Variants in TMEM150C observed in about 807,000 individuals in gnomAD.
The protein encoded by TMEM150C is transmembrane protein 150C.
Under a neutral mutation model 29.9 loss-of-function variants are expected in TMEM150C, and 10 were observed. That is an observed-to-expected ratio of 0.33 (90% CI 0.21 to 0.57). The LOEUF is 0.57. TMEM150C is among the 20% of genes least tolerant of loss of function. TMEM150C has a pLI of 0.88. For synonymous variants in TMEM150C, 101 were observed against 112.5 expected (o/e 0.90, Z 0.64); for missense variants, 251 against 303.6 (o/e 0.83, Z 1.29).
At chr4:82,518,269 T>C in intron 1 of TMEM150C, among the ~76,000 whole-genome samples, 1 of 150,250 alleles carries the variant, frequency 6.7e-6, no homozygotes, top group African/African-American at 2.5e-5. Flanking sequence ...TGAGCCGAGA[T>C]CAAGCAACTC....
chr4:82,489,999 CA>C lies in TMEM150C; in HGVS notation c.541+61del. 4.6e-6 allele frequency: 7 copies of C among 1,522,312 alleles called. No individual in the cohort carries two copies. The South Asian group carries it at 8.4e-5, about 18-fold the overall frequency. 94.3% of individuals were successfully genotyped at this position (1,522,312 alleles called of 1,614,324 possible). A position where few individuals can be genotyped will look rare whatever the true frequency, so the allele number is the denominator to read the frequency against. ...TATCCTAACCCACTGGGTTCTTCTACAGAGACAACTTACTTGTTTTCATCTT... is the reference window on the plus strand; with the variant it reads ...TATCCTAACCCACTGGGTTCTTCTACGAGACAACTTACTTGTTTTCATCTT... On this transcript the variant is annotated intron_variant, in intron 7 of 7. Coordinates refer to ENST00000449862, the MANE Select transcript of TMEM150C (RefSeq NM_001080506.3).
At chr4:82,536,987 A>G (rs137897410) in intron 1 of TMEM150C, among the ~76,000 whole-genome samples, 1 of 152,162 alleles carries the variant, frequency 6.6e-6, no homozygotes, top group East Asian at 1.9e-4. Context: ...AATTATTATT[A>G]TTATTATTTT....
At chr4:82,558,511 C>A (rs2110096116) in intron 1 of TMEM150C, among the ~76,000 whole-genome samples, 1 of 152,182 alleles carries the variant, frequency 6.6e-6, no homozygotes, top group Non-Finnish European at 1.5e-5. Context: ...AAGGCTACTG[C>A]CAAAGATTTC....
intron 1 of TMEM150C, among the ~76,000 whole-genome samples, chr4:82,530,861 C>A (rs75277216): frequency 0.045 from 6,813 of 152,198 alleles, 507 homozygotes; most frequent in African/African-American, 0.16. Context: ...GAAGCAAGCA[C>A]GTCTTACATG....
At chr4:82,486,119 A>G (rs1723150583) in intron 7 of TMEM150C, among the ~76,000 whole-genome samples, 1 of 152,110 alleles carries the variant, frequency 6.6e-6, no homozygotes, top group Admixed American at 6.5e-5. Context: ...TAATTGGCTG[A>G]GCTGGGCTCA....
At chr4:82,491,152 C>A in intron 6 of TMEM150C, 1 of 701,388 alleles carries the variant, frequency 1.4e-6, no homozygotes, top group Middle Eastern at 3.8e-4. Context: ...ACATCGTGTG[C>A]AATCACCACC....
intron 1 of TMEM150C, among the ~76,000 whole-genome samples, chr4:82,516,202 G>A (rs750464316): frequency 1.3e-5 from 2 of 152,054 alleles, no homozygotes; most frequent in African/African-American, 2.4e-5. Flanking sequence ...GGTAGAACAC[G>A]AAGACTAAGA....
chr4:82,561,572 G>A (rs1482680726), intron 1 of TMEM150C, among the ~76,000 whole-genome samples: 1 of 150,422 alleles, frequency 6.6e-6, no homozygotes, highest in Non-Finnish European at 1.5e-5. Flanking sequence ...GGCCGGGGCC[G>A]CAGCGGGCGG....
At chr4:82,490,921 G>T in intron 6 of TMEM150C, 1 of 718,658 alleles carries the variant, frequency 1.4e-6, no homozygotes, top group Non-Finnish European at 2.6e-6. Context: ...CCCCAGTGAT[G>T]GCGGATCTCA....
At chr4:82,529,400 C>T (rs1724764768) in intron 1 of TMEM150C, among the ~76,000 whole-genome samples, 1 of 151,904 alleles carries the variant, frequency 6.6e-6, no homozygotes, top group South Asian at 2.1e-4. Flanking sequence ...GCAATCCTCC[C>T]ATCTCAGCCT....
rs531639113 is a variant in TMEM150C, at chr4:82,488,407, T to C, written c.541+1654A>G. On this transcript the variant is annotated intron_variant, in intron 7 of 7. Transcript: ENST00000449862. ...AAACTTCTCCATGATTCACTGTTCT[T>C]ACATGTGAAGTGAGGATAAAAAGAG... Among the ~76,000 whole-genome samples the C allele has an allele frequency of 2.0e-5, 3 of 152,354 alleles. No homozygotes were observed. In the East Asian group the frequency reaches 5.8e-4, roughly 29 times the overall value.
At chr4:82,509,831 A>C (rs1009587963) in intron 1 of TMEM150C, 1 of 152,022 alleles carries the variant, frequency 6.6e-6, no homozygotes, top group Non-Finnish European at 1.5e-5. Flanking sequence ...TAAATAAATA[A>C]AGTCAAACTC....
chr4:82,508,412 G>A (rs1009143931), intron 1 of TMEM150C, among the ~76,000 whole-genome samples: 2 of 151,794 alleles, frequency 1.3e-5, no homozygotes, highest in Non-Finnish European at 2.9e-5. Context: ...CTAGTAGCTG[G>A]GACTATAGGC....
At chr4:82,486,732 G>A (rs1210632591) in intron 7 of TMEM150C, among the ~76,000 whole-genome samples, 1 of 151,800 alleles carries the variant, frequency 6.6e-6, no homozygotes, top group African/African-American at 2.4e-5. Context: ...CTAGGGTGAC[G>A]GCAAGGCCCC....
chr4:82,542,229 G>A (rs1578151842), intron 1 of TMEM150C, among the ~76,000 whole-genome samples: 1 of 152,322 alleles, frequency 6.6e-6, no homozygotes, highest in East Asian at 1.9e-4. Flanking sequence ...GAATAAGTGG[G>A]TCTTAAAGCT....
intron 1 of TMEM150C, among the ~76,000 whole-genome samples, chr4:82,546,618 G>A (rs752340001): frequency 6.6e-6 from 1 of 152,098 alleles, no homozygotes; most frequent in African/African-American, 2.4e-5. Flanking sequence ...TACGAGGCCA[G>A]GAGATCGAGA....
intron 1 of TMEM150C, among the ~76,000 whole-genome samples, chr4:82,550,254 T>C (rs541791351): frequency 4.6e-5 from 7 of 152,266 alleles, no homozygotes; most frequent in African/African-American, 1.7e-4. Flanking sequence ...TGAACTCTCA[T>C]GAACTCTCTC....
rs777325198 is a variant in TMEM150C at position 82,490,090 on chromosome 4, G to A, written c.512C>T (p.Ser171Leu). 6 of 1,613,928 alleles carry A rather than the reference G, an allele frequency of 3.7e-6. No individual in the cohort carries two copies. The highest frequency in any genetic ancestry group is 5.1e-6 in the Non-Finnish European group (6 of 1,179,854). ...RRVGIPRVIL[S>L]ASITLCVVLY... ...GACCACACAGAGAGTGATAGATGCC[G>A]ACAGAATAACCCGTGGAATTCCAAC... Residue 171 changes from serine (S) to leucine (L), a missense_variant, in exon 7 of 8, where the codon TCG becomes TTG. Transcript: ENST00000449862.
intron 5 of TMEM150C, among the ~76,000 whole-genome samples, chr4:82,498,663 G>C (rs1221410839): frequency 6.6e-6 from 1 of 152,106 alleles, no homozygotes; most frequent in Non-Finnish European, 1.5e-5. Flanking sequence ...GGGATAGGAT[G>C]GTGCTGGAAC....
Sources: gnomAD v4.1 joint callset for allele counts (sites outside exome capture counted in the v4.1 genomes callset) on GRCh38, gnomAD v4.1.1 for gene constraint, MANE v1.5 for transcripts, NCBI Gene and HGNC (gene_info 2026-07-23, HGNC 2026-07-21) for gene names.